Variants in FRMD4A observed in about 807,000 individuals in gnomAD.
The protein encoded by FRMD4A is FERM domain-containing protein 4A.
FRMD4A carries 29 observed loss-of-function variants against 129.1 expected under a neutral mutation model. That is an observed-to-expected ratio of 0.22 (90% CI 0.17 to 0.31). The LOEUF is 0.31. Among genes scored for constraint, FRMD4A ranks in the 10% least tolerant of loss-of-function variants. The probability of loss-of-function intolerance (pLI) is 1.00; values close to 1 mark genes in which losing one functional copy is unlikely to be tolerated. For missense variants in FRMD4A, 1,272 were observed against 1,375.8 expected, an observed-to-expected ratio of 0.92 and a Z score of 1.19; for synonymous variants, 634 against 571.6, an observed-to-expected ratio of 1.11 and a Z score of -1.56.
At position 13,726,279 on chromosome 10, in the gene FRMD4A, A is replaced by G. The variant is rs145943551; in HGVS notation, c.759+11565T>C. Among the ~76,000 whole-genome samples the G allele has an allele frequency of 5.0e-3, 757 of 152,300 alleles. 5 individuals carry two copies. The highest frequency in any genetic ancestry group is 0.016 in the African/African-American group (679 of 41,556). On this transcript the variant is annotated intron_variant, in intron 12 of 24. Transcript: ENST00000357447. Reference sequence around the variant, plus strand: ...ACAGAGTGAGACCTTGTCTCAAAAAAACAAAACAAAAACAAAACAAAACAA... The same window carrying G: ...ACAGAGTGAGACCTTGTCTCAAAAAGACAAAACAAAAACAAAACAAAACAA...
rs780205238 is a variant in FRMD4A, at chr10:13,808,970, TACGCACGCACAC to T, written c.206+1832_206+1843del. Among the ~76,000 whole-genome samples, 534 of 152,302 alleles carry T rather than the reference TACGCACGCACAC, an allele frequency of 3.5e-3. 5 individuals are homozygous for T. Among genetic ancestry groups the T allele is most frequent in the South Asian group, 0.015 (74 of 4,824 alleles). On this transcript the variant is annotated intron_variant, in intron 4 of 24. Coordinates refer to ENST00000357447, the MANE Select transcript of FRMD4A (RefSeq NM_018027.5). ...AGACACTTTTATCCAGCCTGGCTTCTACGCACGCACACACGCACGCACACACGCATGCACGCA... is the reference window on the plus strand; with the variant it reads ...AGACACTTTTATCCAGCCTGGCTTCTACGCACGCACACACGCATGCACGCA...
chr10:14,050,793 G>A (rs1035209321), intron 2 of FRMD4A, among the ~76,000 whole-genome samples: 3 of 152,122 alleles, frequency 2.0e-5, no homozygotes, highest in African/African-American at 7.2e-5. Flanking sequence ...CTTGCAAGGG[G>A]GTGTACCCAG....
At chr10:13,666,023 C>T (rs1160580420) in intron 18 of FRMD4A, 74 bp downstream of exon 18, 1 of 841,610 alleles carries the variant, frequency 1.2e-6, no homozygotes, top group Non-Finnish European at 2.1e-6. Flanking sequence ...GCAGGGACCA[C>T]TCGTGGGACC....
intron 2 of FRMD4A, among the ~76,000 whole-genome samples, chr10:14,069,351 T>C (rs1420107812): frequency 2.0e-5 from 3 of 152,204 alleles, no homozygotes; most frequent in African/African-American, 7.2e-5. Context: ...CTACGCAGCA[T>C]AGGTGCTTGC....
At chr10:14,018,273 C>A (rs1269716474) in intron 2 of FRMD4A, among the ~76,000 whole-genome samples, 14 of 150,460 alleles carry the variant, frequency 9.3e-5, no homozygotes, top group Admixed American at 9.2e-4. Context: ...TGGTGAAACC[C>A]CGTCTCTACT....
At chr10:14,233,203 T>C (rs1164336700) in intron 2 of FRMD4A, among the ~76,000 whole-genome samples, 1 of 152,226 alleles carries the variant, frequency 6.6e-6, no homozygotes, top group Non-Finnish European at 1.5e-5. Flanking sequence ...TAATTAGTTA[T>C]TCTACCTCCA....
chr10:14,286,848 C>T (rs532833075), intron 2 of FRMD4A, among the ~76,000 whole-genome samples: 174 of 152,150 alleles, frequency 1.1e-3, no homozygotes, highest in African/African-American at 4.0e-3. Context: ...AGAGTCCATA[C>T]TGGGAAGCTT....
intron 2 of FRMD4A, among the ~76,000 whole-genome samples, chr10:14,169,034 C>T (rs1008062366): frequency 3.3e-5 from 5 of 152,180 alleles, no homozygotes; most frequent in Non-Finnish European, 5.9e-5. Context: ...TTAATAAATG[C>T]ATCATAGTGG....
chr10:14,187,548 A>G (rs1026171253), intron 2 of FRMD4A, among the ~76,000 whole-genome samples: 1 of 152,098 alleles, frequency 6.6e-6, no homozygotes, highest in Non-Finnish European at 1.5e-5. Flanking sequence ...TTTACCCCCA[A>G]ATTGACATAG....
intron 2 of FRMD4A, among the ~76,000 whole-genome samples, chr10:14,089,640 C>CAAAAAAAAAAAAAA (rs759243260): frequency 7.1e-5 from 5 of 70,270 alleles, no homozygotes; most frequent in African/African-American, 2.5e-4. Context: ...CAAAAAAAAA[C>CAAAAAAAAAAAAAA]AAACAAAAAA....
At chr10:14,208,523 C>A (rs188224750) in intron 2 of FRMD4A, among the ~76,000 whole-genome samples, 57 of 152,214 alleles carry the variant, frequency 3.7e-4, no homozygotes, top group African/African-American at 1.3e-3. Context: ...CGAGCCCTGC[C>A]TTGGGGAAGG....
chr10:13,820,064 G>A (rs1376572611), intron 3 of FRMD4A, among the ~76,000 whole-genome samples: 2 of 152,172 alleles, frequency 1.3e-5, no homozygotes, highest in Admixed American at 1.3e-4. Context: ...AGAAGACAGA[G>A]GCAGAGACCT....
chr10:13,676,428 A>AT (rs60180649), intron 15 of FRMD4A, among the ~76,000 whole-genome samples: 3,366 of 128,816 alleles, frequency 0.026, 117 homozygotes, highest in African/African-American at 0.077. Flanking sequence ...ACACCCAGCT[A>AT]TTTTTTTTTT....
intron 2 of FRMD4A, among the ~76,000 whole-genome samples, chr10:14,206,623 C>G (rs938947533): frequency 1.3e-5 from 2 of 151,622 alleles, no homozygotes; most frequent in Non-Finnish European, 2.9e-5. Flanking sequence ...CACGGCGAAA[C>G]CCCATTTTTA....
At chr10:14,281,126 G>A (rs1845505735) in intron 2 of FRMD4A, among the ~76,000 whole-genome samples, 3 of 150,942 alleles carry the variant, frequency 2.0e-5, no homozygotes, top group South Asian at 4.2e-4. Flanking sequence ...CCAAGTAGCT[G>A]AGATTACAGG....
At chr10:14,097,503 C>T (rs897368059) in intron 2 of FRMD4A, among the ~76,000 whole-genome samples, 21 of 152,080 alleles carry the variant, frequency 1.4e-4, no homozygotes, top group Admixed American at 6.5e-5. Context: ...ATAATCTTAC[C>T]TGTCTGCCTT....
At chr10:14,051,424 G>A (rs557583939) in intron 2 of FRMD4A, among the ~76,000 whole-genome samples, 43 of 152,288 alleles carry the variant, frequency 2.8e-4, no homozygotes, top group African/African-American at 1.0e-3. Flanking sequence ...TTCCAAAGGA[G>A]GAGAGAATCA....
At position 13,958,573 on chromosome 10, in the gene FRMD4A, G is replaced by C. The variant is rs563321034; in HGVS notation, c.46-99661C>G. 2.0e-5 allele frequency among the ~76,000 whole-genome samples: 3 copies of C among 148,994 alleles called. No individual in the cohort carries two copies. In the East Asian group the frequency reaches 5.9e-4, roughly 29 times the overall value. ...GCTGGGATTACAGGCGTGAGCCACC[G>C]CACCCGACCAGTGTCTTTCTTTCTT... On this transcript the variant is annotated intron_variant, in intron 2 of 24. Transcript: ENST00000357447.
intron 2 of FRMD4A, among the ~76,000 whole-genome samples, chr10:14,038,051 G>A (rs1833584033): frequency 1.3e-5 from 2 of 152,180 alleles, no homozygotes; most frequent in South Asian, 2.1e-4. Flanking sequence ...GGCCGGTCGC[G>A]GTGGCTCACG....
Sources: gnomAD v4.1 joint callset for allele counts (sites outside exome capture counted in the v4.1 genomes callset) on GRCh38, gnomAD v4.1.1 for gene constraint, MANE v1.5 for transcripts, NCBI Gene and HGNC (gene_info 2026-07-23, HGNC 2026-07-21) for gene names.